SKAP2: variants seen among roughly 807,000 people sequenced by gnomAD.
The protein encoded by SKAP2 is src kinase associated phosphoprotein 2, also known as src kinase-associated phosphoprotein 2.
In SKAP2, 28 loss-of-function variants were observed where a neutral mutation model predicts 54.9. That is an observed-to-expected ratio of 0.51 (90% CI 0.38 to 0.70). SKAP2 has a LOEUF of 0.70. Ranked by LOEUF, SKAP2 falls within the 30% of genes least tolerant of loss-of-function variation. SKAP2 has a pLI of 0.00. For synonymous variants in SKAP2, 137 were observed against 134.3 expected (o/e 1.02, Z -0.14); for missense variants, 356 against 424.1 (o/e 0.84, Z 1.41).
chr7:26,851,555 G>A (rs940741881), intron 3 of SKAP2, among the ~76,000 whole-genome samples: 1 of 151,954 alleles, frequency 6.6e-6, no homozygotes, highest in Non-Finnish European at 1.5e-5. Context: ...ATCACACACC[G>A]GTGCCTGTTG....
At chr7:26,780,811 G>A (rs1008346344) in intron 4 of SKAP2, among the ~76,000 whole-genome samples, 1 of 151,966 alleles carries the variant, frequency 6.6e-6, no homozygotes, top group Non-Finnish European at 1.5e-5. Context: ...ATTTTCACAT[G>A]AGGAGTAATG....
At chr7:26,715,563 C>T (rs1280375721) in intron 9 of SKAP2, among the ~76,000 whole-genome samples, 3 of 151,884 alleles carry the variant, frequency 2.0e-5, no homozygotes, top group African/African-American at 7.3e-5. Flanking sequence ...GATCACCTGA[C>T]GTCAGGAGTT....
chr7:26,804,004 T>C (rs950810114), intron 4 of SKAP2, among the ~76,000 whole-genome samples: 8 of 152,082 alleles, frequency 5.3e-5, no homozygotes, highest in African/African-American at 1.4e-4. Context: ...GGGAGGTTAA[T>C]GGGTATGAAA....
chr7:26,861,342 C>T (rs1479805703), intron 1 of SKAP2, among the ~76,000 whole-genome samples: 1 of 151,956 alleles, frequency 6.6e-6, no homozygotes, highest in East Asian at 1.9e-4. Flanking sequence ...CCTTTGATTT[C>T]AATTATCCAG....
At chr7:26,847,092 T>G (rs977464607) in intron 3 of SKAP2, among the ~76,000 whole-genome samples, 3 of 152,158 alleles carry the variant, frequency 2.0e-5, no homozygotes, top group Non-Finnish European at 4.4e-5. Context: ...TGCAAGTATT[T>G]TTTTTTTTAA....
chr7:26,661,917 G>T, the SKAP2 span, among the ~76,000 whole-genome samples: 3 of 152,050 alleles, frequency 2.0e-5, no homozygotes, highest in African/African-American at 7.2e-5. Context: ...AATCTCACTT[G>T]AGCCTAACCA....
At chr7:26,798,618 G>A (rs11772615) in intron 4 of SKAP2, among the ~76,000 whole-genome samples, 2,177 of 151,980 alleles carry the variant, frequency 0.014, 31 homozygotes, top group Non-Finnish European at 0.02. Context: ...ACACAGAATA[G>A]TATCACACTG....
At chr7:26,850,734 G>C (rs1785022733) in intron 3 of SKAP2, among the ~76,000 whole-genome samples, 1 of 152,138 alleles carries the variant, frequency 6.6e-6, no homozygotes, top group Non-Finnish European at 1.5e-5. Flanking sequence ...ACTAGACTAA[G>C]CAAGAAGTGT....
In SKAP2 at chr7:26,847,347, C is replaced by T. The variant is rs992824435; in HGVS notation, c.200-3210G>A. ...GTGATGGTCCATCCCTTTTCCTCCC[C>T]CCTAATTTTTTTTTCGACCCAATAA... On this transcript the variant is annotated intron_variant, in intron 3 of 12. Coordinates refer to ENST00000345317, the MANE Select transcript of SKAP2 (RefSeq NM_003930.5). Among the ~76,000 whole-genome samples the T allele has an allele frequency of 9.2e-5, 14 of 152,112 alleles. No individual in the cohort carries two copies. In the East Asian group the frequency reaches 2.3e-3, roughly 25 times the overall value.
chr7:26,794,004 T>C (rs1313606629), intron 4 of SKAP2, among the ~76,000 whole-genome samples: 1 of 152,094 alleles, frequency 6.6e-6, no homozygotes, highest in Non-Finnish European at 1.5e-5. Context: ...TTCTGATATA[T>C]TAGCTAAAGC....
At chr7:26,766,982 T>A (rs971141321) in intron 4 of SKAP2, among the ~76,000 whole-genome samples, 10 of 152,204 alleles carry the variant, frequency 6.6e-5, no homozygotes, top group Non-Finnish European at 1.2e-4. Flanking sequence ...GCTGGCCTCA[T>A]AAAATGAGTT....
chr7:26,856,112 T>C (rs1404799127), intron 1 of SKAP2, among the ~76,000 whole-genome samples: 5 of 152,240 alleles, frequency 3.3e-5, no homozygotes, highest in African/African-American at 1.2e-4. Context: ...TAAACTTTTA[T>C]ACATTCATAA....
intron 4 of SKAP2, among the ~76,000 whole-genome samples, chr7:26,835,031 C>T (rs1352125278): frequency 2.6e-5 from 4 of 152,188 alleles, no homozygotes; most frequent in Admixed American, 1.3e-4. Flanking sequence ...GGATGCAAGG[C>T]TGGTTTGACA....
intron 4 of SKAP2, among the ~76,000 whole-genome samples, chr7:26,778,183 T>A (rs958551819): frequency 6.6e-6 from 1 of 152,094 alleles, no homozygotes; most frequent in East Asian, 1.9e-4. Flanking sequence ...AGCACTTATT[T>A]TTAAGGGATG....
At chr7:26,754,731 T>C (rs1181196439) in intron 4 of SKAP2, among the ~76,000 whole-genome samples, 1 of 152,226 alleles carries the variant, frequency 6.6e-6, no homozygotes, top group East Asian at 1.9e-4. Flanking sequence ...AAACAACCAG[T>C]GCTGTTCAGC....
At chr7:26,805,236 A>G (rs1784000958) in intron 4 of SKAP2, among the ~76,000 whole-genome samples, 2 of 152,222 alleles carry the variant, frequency 1.3e-5, no homozygotes, top group Admixed American at 1.3e-4. Context: ...TCAACAGACT[A>G]TGATGTCATA....
At chr7:26,831,814 C>T (rs1283154472) in intron 4 of SKAP2, among the ~76,000 whole-genome samples, 4 of 152,100 alleles carry the variant, frequency 2.6e-5, no homozygotes, top group Middle Eastern at 3.4e-3. Context: ...TATGTCCTAT[C>T]CCATACCTTA....
chr7:26,705,569 A>G (rs1479889935), intron 9 of SKAP2, among the ~76,000 whole-genome samples: 1 of 152,218 alleles, frequency 6.6e-6, no homozygotes, highest in Non-Finnish European at 1.5e-5. Flanking sequence ...TGATTAAAGA[A>G]TTCAGGCGGT....
At chr7:26,780,778 T>C (rs1372616111) in intron 4 of SKAP2, among the ~76,000 whole-genome samples, 4 of 152,080 alleles carry the variant, frequency 2.6e-5, no homozygotes, top group African/African-American at 9.7e-5. Flanking sequence ...TCCCAACTTT[T>C]AGATGTTCAA....
Sources: gnomAD v4.1 joint callset for allele counts (sites outside exome capture counted in the v4.1 genomes callset) on GRCh38, gnomAD v4.1.1 for gene constraint, MANE v1.5 for transcripts, NCBI Gene and HGNC (gene_info 2026-07-23, HGNC 2026-07-21) for gene names.